The following CA10 variants were observed in gnomAD, a reference collection of about 807,000 sequenced individuals.
CA10 encodes carbonic anhydrase 10 (inactive).
In CA10, 14 loss-of-function variants were observed where a neutral mutation model predicts 44.2. The ratio of observed to expected loss-of-function variants is 0.32; its 90% CI spans 0.21 to 0.50. The LOEUF (loss-of-function observed/expected upper bound fraction) is 0.50, where lower values mean the gene tolerates loss of function less well. CA10 is among the 20% of genes least tolerant of loss of function. CA10 has a pLI of 0.99. For synonymous variants in CA10, 159 were observed against 141.6 expected (o/e 1.12, Z -0.87); for missense variants, 350 against 409.7 (o/e 0.85, Z 1.26).
At chr17:51,772,496 G>T (rs1598037629) in intron 3 of CA10, among the ~76,000 whole-genome samples, 1 of 152,020 alleles carries the variant, frequency 6.6e-6, no homozygotes, top group Admixed American at 6.6e-5. Context: ...AGTAATTAAG[G>T]CCATGAAGAG....
intron 4 of CA10, among the ~76,000 whole-genome samples, chr17:51,733,945 G>A (rs775260018): frequency 1.2e-4 from 19 of 152,082 alleles, no homozygotes; most frequent in Admixed American, 1.2e-3. Context: ...TCACAGGGGC[G>A]TTTTACCTGG....
At chr17:51,638,118 A>G (rs1458466808) in intron 6 of CA10, among the ~76,000 whole-genome samples, 2 of 152,222 alleles carry the variant, frequency 1.3e-5, no homozygotes, top group Non-Finnish European at 2.9e-5. Context: ...CCAATAAGAA[A>G]GAGTTACCTT....
rs530804245 is a variant in CA10, at chr17:51,969,197, G to A, written c.137-38065C>T. Among the ~76,000 whole-genome samples the A allele has an allele frequency of 2.6e-4, 40 of 152,044 alleles. 1 individual carries two copies. In the South Asian group the frequency reaches 7.9e-3, roughly 30 times the overall value. On this transcript the variant is annotated intron_variant, in intron 2 of 8. Transcript: ENST00000451037. ...GTTCTCCACTCAACACTCCCACCAC[G>A]ATGAACTAATTAACAACAGTAATAT... is the stretch of plus-strand genomic sequence containing the variant.
chr17:51,811,151 GTGCCACTGCAC>G (rs916417355), intron 3 of CA10, among the ~76,000 whole-genome samples: 7 of 148,960 alleles, frequency 4.7e-5, no homozygotes, highest in African/African-American at 1.7e-4. Flanking sequence ...AGCCAAGGTT[GTGCCACTGCAC>G]TCCAGCCTGG....
chr17:52,072,686 C>CACACACACAT (rs1987713924), intron 1 of CA10, among the ~76,000 whole-genome samples: 1 of 147,704 alleles, frequency 6.8e-6, no homozygotes, highest in Non-Finnish European at 1.5e-5. Context: ...CATACACACA[C>CACACACACAT]ACACACACAC....
chr17:51,821,490 C>T (rs1907797097), intron 3 of CA10, among the ~76,000 whole-genome samples: 1 of 151,950 alleles, frequency 6.6e-6, no homozygotes, highest in African/African-American at 2.4e-5. Context: ...CGCAGCTGCT[C>T]CCTTGGTCCA....
At chr17:51,782,543 C>T (rs374842983) in intron 3 of CA10, among the ~76,000 whole-genome samples, 1 of 152,172 alleles carries the variant, frequency 6.6e-6, no homozygotes, top group African/African-American at 2.4e-5. Flanking sequence ...AAGAAAAGGC[C>T]AAGCTTGCTT....
At chr17:51,984,516 A>G (rs952328086) in intron 2 of CA10, among the ~76,000 whole-genome samples, 3 of 151,966 alleles carry the variant, frequency 2.0e-5, no homozygotes, top group African/African-American at 7.2e-5. Flanking sequence ...TCACAGCAGA[A>G]CTAAATAACA....
At chr17:51,977,523 A>C (rs370238019) in intron 2 of CA10, among the ~76,000 whole-genome samples, 1 of 152,092 alleles carries the variant, frequency 6.6e-6, no homozygotes, top group African/African-American at 2.4e-5. Flanking sequence ...AGCAAACTAG[A>C]AATGGGGGGA....
Position 51,653,648 on chromosome 17 carries a change from A to G in CA10, c.554T>C (p.Phe185Ser). ...GGAATGCAAGAGACTTACTTTTATAAATATAGAAACTACCACCAATCCATT... is the reference window on the plus strand; with the variant it reads ...GGAATGCAAGAGACTTACTTTTATAGATATAGAAACTACCACCAATCCATT... ...SPNGLVVVSI[F>S]IKVSDSSNPF... The change falls in exon 5 of 9, where the codon TTT (phenylalanine) becomes TCT (serine). Residue 185 changes from phenylalanine to serine, a missense_variant. By Grantham distance (155) the Phe-to-Ser change is radical (BLOSUM62 -2). Coordinates refer to ENST00000451037, the MANE Select transcript of CA10 (RefSeq NM_020178.5). The G allele has an allele frequency of 6.4e-7, 1 of 1,552,130 alleles. No individual in the cohort carries two copies. Among genetic ancestry groups the G allele is most frequent in the Non-Finnish European group, 8.9e-7 (1 of 1,123,434 alleles).
intron 2 of CA10, among the ~76,000 whole-genome samples, chr17:52,055,806 G>A (rs542988317): frequency 6.6e-6 from 1 of 152,216 alleles, no homozygotes; most frequent in East Asian, 1.9e-4. Flanking sequence ...ATAATTCTGG[G>A]CAACTGATAT....
chr17:52,071,313 G>A (rs566248862), intron 2 of CA10, among the ~76,000 whole-genome samples: 124 of 152,304 alleles, frequency 8.1e-4, no homozygotes, highest in African/African-American at 2.9e-3. Flanking sequence ...CCCTTACCAT[G>A]CCTGCTTTCC....
At chr17:52,092,863 G>T (rs1190477179) in intron 1 of CA10, among the ~76,000 whole-genome samples, 1 of 152,056 alleles carries the variant, frequency 6.6e-6, no homozygotes, top group African/African-American at 2.4e-5. Context: ...TATGGCATTT[G>T]ATTTCTATCT....
intron 1 of CA10, among the ~76,000 whole-genome samples, chr17:52,129,695 A>C (rs1035611599): frequency 3.3e-5 from 5 of 152,230 alleles, no homozygotes; most frequent in Admixed American, 2.6e-4. Flanking sequence ...CCTAATTTAC[A>C]GTTTGATGCC....
chr17:51,868,167 C>CT (rs1461342343), intron 3 of CA10, among the ~76,000 whole-genome samples: 1 of 151,966 alleles, frequency 6.6e-6, no homozygotes, highest in Non-Finnish European at 1.5e-5. Flanking sequence ...CTCCCTCTTT[C>CT]TTTTTAAGTA....
chr17:51,913,031 G>T (rs1212404047), intron 3 of CA10, among the ~76,000 whole-genome samples: 2 of 152,138 alleles, frequency 1.3e-5, no homozygotes, highest in Non-Finnish European at 2.9e-5. Flanking sequence ...TTATAGCTGG[G>T]GAAGAGGCAG....
At position 51,700,193 on chromosome 17, in the gene CA10, T is replaced by C. The variant is rs117889607; in HGVS notation, c.466-46457A>G. Among the ~76,000 whole-genome samples the C allele has an allele frequency of 2.2e-3, 332 of 152,276 alleles. 8 individuals are homozygous for C. Among genetic ancestry groups the C allele is most frequent in the Admixed American group, 0.017 (259 of 15,294 alleles). On this transcript the variant is annotated intron_variant, in intron 4 of 8. Coordinates refer to ENST00000451037, the MANE Select transcript of CA10 (RefSeq NM_020178.5). ...GTGAATGTCCCGGTCAGTGAAGTAG[T>C]CTTAGCCGGGTTGCTGCAGTGGCCG...
chr17:52,023,717 G>C lies in CA10; in HGVS notation c.136+48602C>G, dbSNP rs141689069. Among the ~76,000 whole-genome samples, 16 of 148,514 alleles carry C rather than the reference G, an allele frequency of 1.1e-4. No homozygotes were observed. The East Asian group carries it at 3.0e-3, about 27-fold the overall frequency. ...AATGGCAAAAAAAAAAACTTGCAAAGTATGCATGCAACAAAGGCCTACTAT... is the reference window on the plus strand; with the variant it reads ...AATGGCAAAAAAAAAAACTTGCAAACTATGCATGCAACAAAGGCCTACTAT... On this transcript the variant is annotated intron_variant, in intron 2 of 8. Coordinates refer to ENST00000451037, the MANE Select transcript of CA10 (RefSeq NM_020178.5).
intron 2 of CA10, among the ~76,000 whole-genome samples, chr17:52,023,046 C>T (rs529871719): frequency 6.6e-6 from 1 of 152,176 alleles, no homozygotes; most frequent in East Asian, 1.9e-4. Flanking sequence ...AAGCAATCTA[C>T]AGATTTGATG....
Sources: gnomAD v4.1 joint callset for allele counts (sites outside exome capture counted in the v4.1 genomes callset) on GRCh38, gnomAD v4.1.1 for gene constraint, MANE v1.5 for transcripts, NCBI Gene and HGNC (gene_info 2026-07-23, HGNC 2026-07-21) for gene names.